EPHA7: variants seen among roughly 807,000 people sequenced by gnomAD.
EPHA7 encodes the protein ephrin type-A receptor 7.
In EPHA7, 25 loss-of-function variants were observed where a neutral mutation model predicts 112.6. The ratio of observed to expected loss-of-function variants is 0.22; its 90% CI spans 0.16 to 0.31. The LOEUF is 0.31. Among genes scored for constraint, EPHA7 ranks in the 10% least tolerant of loss-of-function variants. The pLI, the probability that EPHA7 is intolerant of heterozygous loss-of-function variation, is 1.00. For missense variants in EPHA7, 962 were observed against 1,212.6 expected (o/e 0.79, Z 3.07); for synonymous variants, 437 against 406.5 (o/e 1.07, Z -0.90).
At chr6:93,254,050 T>C (rs1275657260) in intron 14 of EPHA7, among the ~76,000 whole-genome samples, 1 of 152,068 alleles carries the variant, frequency 6.6e-6, no homozygotes, top group Non-Finnish European at 1.5e-5. Flanking sequence ...TGTTTTAGCA[T>C]GTCCTCATGG....
In EPHA7 at chr6:93,289,579, G is replaced by A. The variant is rs376937563; in HGVS notation, c.1325-17157C>T. On this transcript the variant is annotated intron_variant, in intron 5 of 16. Transcript: ENST00000369303. Reference sequence around the variant, plus strand: ...GTGGGGCTTGCATTGGGCCAAGATCGCGCCACTGCACTGGAGCCTGGGTGA... The same window carrying A: ...GTGGGGCTTGCATTGGGCCAAGATCACGCCACTGCACTGGAGCCTGGGTGA... Among the ~76,000 whole-genome samples, 8 of 151,982 alleles carry A rather than the reference G, an allele frequency of 5.3e-5. 1 individual carries two copies. The highest frequency in any genetic ancestry group is 7.2e-5 in the African/African-American group (3 of 41,454).
At chr6:93,355,310 A>G (rs1775891219) in intron 5 of EPHA7, among the ~76,000 whole-genome samples, 1 of 152,204 alleles carries the variant, frequency 6.6e-6, no homozygotes, top group Admixed American at 6.5e-5. Context: ...AAACCTTTAG[A>G]ATAAAAACCC....
chr6:93,288,316 G>A (rs181404185), intron 5 of EPHA7, among the ~76,000 whole-genome samples: 77 of 152,288 alleles, frequency 5.1e-4, no homozygotes, highest in Non-Finnish European at 8.4e-4. Context: ...GAAGCCAGAC[G>A]ACATTGTATG....
intron 5 of EPHA7, among the ~76,000 whole-genome samples, chr6:93,309,107 C>A (rs1021408284): frequency 6.6e-6 from 1 of 152,184 alleles, no homozygotes; most frequent in African/African-American, 2.4e-5. Context: ...TGTCACCATG[C>A]CCAGCTATTT....
chr6:93,255,338 A>C (rs973118507), intron 13 of EPHA7, among the ~76,000 whole-genome samples: 2 of 142,040 alleles, frequency 1.4e-5, no homozygotes, highest in Non-Finnish European at 3.1e-5. Context: ...ACAAGAACAA[A>C]ACTCCATCTC....
intron 3 of EPHA7, among the ~76,000 whole-genome samples, chr6:93,388,663 T>C (rs868016823): frequency 7.9e-5 from 12 of 151,866 alleles, no homozygotes; most frequent in South Asian, 2.1e-4. Context: ...ATGGGGAGAA[T>C]AGTGAAGGGT....
At chr6:93,394,051 T>C (rs1044441893) in intron 3 of EPHA7, among the ~76,000 whole-genome samples, 1 of 151,814 alleles carries the variant, frequency 6.6e-6, no homozygotes, top group Non-Finnish European at 1.5e-5. Context: ...CATGTAATTG[T>C]GTCCATCGGA....
At chr6:93,342,847 T>C (rs1186237475) in intron 5 of EPHA7, among the ~76,000 whole-genome samples, 1 of 151,782 alleles carries the variant, frequency 6.6e-6, no homozygotes, top group East Asian at 1.9e-4. Flanking sequence ...GCTTTACATG[T>C]TATTCATTTG....
At chr6:93,324,430 T>C (rs899600673) in intron 5 of EPHA7, among the ~76,000 whole-genome samples, 9 of 151,502 alleles carry the variant, frequency 5.9e-5, no homozygotes, top group African/African-American at 1.4e-4. Flanking sequence ...TAAACCGTTA[T>C]TAGATTTTTG....
intron 7 of EPHA7, among the ~76,000 whole-genome samples, chr6:93,267,366 A>C (rs1036643001): frequency 6.6e-6 from 1 of 151,736 alleles, no homozygotes; most frequent in African/African-American, 2.4e-5. Flanking sequence ...AAATTAGGGT[A>C]CAGAGACCCA....
chr6:93,319,443 A>T (rs1469549744), intron 5 of EPHA7, among the ~76,000 whole-genome samples: 1 of 152,120 alleles, frequency 6.6e-6, no homozygotes. Flanking sequence ...AGAGACTAGC[A>T]TGCCTGGAAT....
At chr6:93,276,583 G>A (rs1771481844) in intron 5 of EPHA7, among the ~76,000 whole-genome samples, 1 of 151,992 alleles carries the variant, frequency 6.6e-6, no homozygotes, top group African/African-American at 2.4e-5. Flanking sequence ...GTTTTAAATT[G>A]TTCACTGTTT....
At position 93,272,340 on chromosome 6, in the gene EPHA7, G is replaced by C; in HGVS notation, c.1407C>G (p.Pro469=). The C allele has an allele frequency of 1.2e-6, 2 of 1,612,098 alleles. No homozygotes were observed. Among genetic ancestry groups the C allele is most frequent in the South Asian group, 2.2e-5 (2 of 91,058 alleles). ...VELSWQEPEH[P]NGVITEYEIK... is the part of the protein sequence containing the mutation. ...TTTCATATTCTGTGATGACTCCATTGGGATGCTCTGGTTCCTGCCAGGAAA... is the reference window on the plus strand; with the variant it reads ...TTTCATATTCTGTGATGACTCCATTCGGATGCTCTGGTTCCTGCCAGGAAA... The change falls in exon 6 of 17, where the codon CCC becomes CCG. Residue 469 remains proline, a synonymous_variant. Coordinates refer to ENST00000369303, the MANE Select transcript of EPHA7 (RefSeq NM_004440.4).
At chr6:93,360,482 T>A (rs1776206421) in intron 3 of EPHA7, among the ~76,000 whole-genome samples, 1 of 152,088 alleles carries the variant, frequency 6.6e-6, no homozygotes, top group Non-Finnish European at 1.5e-5. Context: ...ATTGTGTGTA[T>A]GTTTACTGTT....
chr6:93,245,510 G>A lies in EPHA7; in HGVS notation c.2727-57C>T, dbSNP rs190816224. On this transcript the variant is annotated intron_variant, in intron 15 of 16. Coordinates refer to ENST00000369303, the MANE Select transcript of EPHA7 (RefSeq NM_004440.4). ...TATCCTGAAATACCAAAGAAAGAAT[G>A]TTTTGGCCCATATAAAATTAAGGTA... 448 of 1,550,140 alleles carry A rather than the reference G, an allele frequency of 2.9e-4. 1 individual carries two copies. The African/African-American group carries it at 5.6e-3, about 19-fold the overall frequency.
chr6:93,266,705 C>G (rs377717470), intron 7 of EPHA7, among the ~76,000 whole-genome samples: 18 of 151,774 alleles, frequency 1.2e-4, no homozygotes, highest in African/African-American at 4.3e-4. Flanking sequence ...TACCTTCTGA[C>G]CTGCTTTCTG....
At chr6:93,326,119 A>G (rs1316393880) in intron 5 of EPHA7, among the ~76,000 whole-genome samples, 1 of 151,440 alleles carries the variant, frequency 6.6e-6, no homozygotes, top group Non-Finnish European at 1.5e-5. Context: ...TGAAAATCTC[A>G]TAAGAACGCT....
At chr6:93,333,683 A>ATC (rs1774715922) in intron 5 of EPHA7, among the ~76,000 whole-genome samples, 1 of 151,890 alleles carries the variant, frequency 6.6e-6, no homozygotes, top group South Asian at 2.1e-4. Flanking sequence ...TCTTCAAAGC[A>ATC]TCTCTTCATG....
chr6:93,418,549 C>G (rs1216837032), intron 1 of EPHA7, among the ~76,000 whole-genome samples: 1 of 152,226 alleles, frequency 6.6e-6, no homozygotes, highest in Non-Finnish European at 1.5e-5. Flanking sequence ...CTGCCGCTGC[C>G]CCCATGACCG....
Sources: gnomAD v4.1 joint callset for allele counts (sites outside exome capture counted in the v4.1 genomes callset) on GRCh38, gnomAD v4.1.1 for gene constraint, MANE v1.5 for transcripts, NCBI Gene and HGNC (gene_info 2026-07-23, HGNC 2026-07-21) for gene names.